Variants in EVC2 observed in about 807,000 individuals in gnomAD.
EVC2 encodes EvC ciliary complex subunit 2.
In EVC2, 148 loss-of-function variants were observed where a neutral mutation model predicts 149.3. The observed-to-expected ratio is 0.99, with a 90% CI of 0.87 to 1.14. The LOEUF (loss-of-function observed/expected upper bound fraction) is 1.14. EVC2 is among the 50% of genes most tolerant of loss of function. The pLI, the probability that EVC2 is intolerant of heterozygous loss-of-function variation, is 0.00. For synonymous variants in EVC2, 776 were observed against 649.9 expected (o/e 1.19, Z -2.95); for missense variants, 1,854 against 1,627.3 (o/e 1.14, Z -2.40).
In EVC2 at chr4:5,562,831, C is replaced by T. The variant is rs772703728; in HGVS notation, c.*17G>A. On this transcript the variant is annotated 3_prime_UTR_variant, in exon 22 of 22. Coordinates refer to ENST00000344408, the MANE Select transcript of EVC2 (RefSeq NM_147127.5). The surrounding 1 kb of genome is among the most constrained non-coding windows in gnomAD (Gnocchi z 4.3). ...TCCCTTCTCTCTTCAGATGCTCCCG[C>T]AGGTCTTTCCCTTGGGCTAGTCCAT... 1 of 1,613,374 alleles carries T rather than the reference C, an allele frequency of 6.2e-7. No homozygotes were observed. The highest frequency in any genetic ancestry group is 8.5e-7 in the Non-Finnish European group (1 of 1,180,042).
chr4:5,688,401 G>A (rs1489121289), intron 5 of EVC2, among the ~76,000 whole-genome samples: 2 of 152,130 alleles, frequency 1.3e-5, no homozygotes, highest in Non-Finnish European at 2.9e-5. Flanking sequence ...AGCCTTGACA[G>A]CGGCCAGCCC....
chr4:5,640,963 C>G lies in EVC2; in HGVS notation c.1146-125G>C. The G allele has an allele frequency of 9.1e-7, 1 of 1,097,796 alleles. No homozygotes were observed. Among genetic ancestry groups the G allele is most frequent in the South Asian group, 1.3e-5 (1 of 75,326 alleles). The allele number at this position is 1,097,796 out of a possible 1,614,324, so 68.0% of individuals were successfully genotyped here. ...GGCTTTCTTCGTCTTCCTTTTCTTC[C>G]TTTCCCCGCTCACTTCTGCTTCATC... On this transcript the variant is annotated intron_variant, in intron 9 of 21. Coordinates refer to ENST00000344408, the MANE Select transcript of EVC2 (RefSeq NM_147127.5). The surrounding 1 kb of genome is among the most constrained non-coding windows in gnomAD (Gnocchi z 4.6).
At chr4:5,580,463 C>T (rs1417208018) in intron 17 of EVC2, among the ~76,000 whole-genome samples, 2 of 152,174 alleles carry the variant, frequency 1.3e-5, no homozygotes, top group African/African-American at 4.8e-5. Flanking sequence ...AATTATTATA[C>T]TAATAGAAAT....
At chr4:5,690,708 C>T (rs757695540) in intron 4 of EVC2, among the ~76,000 whole-genome samples, 18 of 152,286 alleles carry the variant, frequency 1.2e-4, no homozygotes, top group South Asian at 6.2e-4. Context: ...GAGAGACAGC[C>T]GGAAGCTCAT....
At chr4:5,573,736 G>A (rs1053578129) in intron 19 of EVC2, among the ~76,000 whole-genome samples, 7 of 152,178 alleles carry the variant, frequency 4.6e-5, no homozygotes, top group Admixed American at 1.3e-4. Context: ...CAGGAAGCTC[G>A]GTGTGCCTGT....
intron 16 of EVC2, among the ~76,000 whole-genome samples, chr4:5,585,338 C>T (rs993749288): frequency 5.3e-5 from 8 of 152,278 alleles, no homozygotes; most frequent in African/African-American, 1.7e-4. Context: ...GGTTTGTGCT[C>T]TTTGCAGTGA....
chr4:5,531,544 C>CTG, the EVC2 span, among the ~76,000 whole-genome samples: 1 of 152,166 alleles, frequency 6.6e-6, no homozygotes, highest in African/African-American at 2.4e-5. Flanking sequence ...GCTCGCATTA[C>CTG]TGTGTGAGCT....
At chr4:5,578,828 C>T (rs189268518) in intron 17 of EVC2, among the ~76,000 whole-genome samples, 73 of 152,128 alleles carry the variant, frequency 4.8e-4, no homozygotes, top group Non-Finnish European at 8.2e-4. Flanking sequence ...TCATCTGCTT[C>T]GGGATGGAGG....
chr4:5,568,143 T>C (rs1722413844), intron 20 of EVC2, among the ~76,000 whole-genome samples: 1 of 152,174 alleles, frequency 6.6e-6, no homozygotes. Flanking sequence ...AAACACATTC[T>C]GGAGGAAGAA....
chr4:5,589,980 G>A (rs1000778700), intron 16 of EVC2, among the ~76,000 whole-genome samples: 5 of 152,148 alleles, frequency 3.3e-5, no homozygotes, highest in African/African-American at 1.2e-4. Flanking sequence ...TTAGAGAAAA[G>A]AGAAGGTGGA....
intron 11 of EVC2, among the ~76,000 whole-genome samples, chr4:5,630,195 T>C (rs1459801317): frequency 6.6e-6 from 1 of 152,334 alleles, no homozygotes. Flanking sequence ...GGGTGCCTTC[T>C]GGGAATGGGA....
At chr4:5,630,948 C>A (rs1443201084) in intron 11 of EVC2, among the ~76,000 whole-genome samples, 7 of 152,226 alleles carry the variant, frequency 4.6e-5, no homozygotes, top group Non-Finnish European at 8.8e-5. Context: ...TGGAGCCAAA[C>A]AACAAAGTGC....
At chr4:5,537,667 A>T in the EVC2 span, among the ~76,000 whole-genome samples, 456 of 152,368 alleles carry the variant, frequency 3.0e-3, 3 homozygotes, top group African/African-American at 0.01. Flanking sequence ...AATGATTGGC[A>T]TTCAATCAAG....
At position 5,625,349 on chromosome 4, in the gene EVC2, A is replaced by ACACAC. The variant is rs1560174872; in HGVS notation, c.2046+399_2046+400insGTGTG. ...ACACACACACACACACACACACACA[A>ACACAC]ACCCAGTGGTATCTCCCTCATAGGG... On this transcript the variant is annotated intron_variant, in intron 13 of 21. Coordinates refer to ENST00000344408, the MANE Select transcript of EVC2 (RefSeq NM_147127.5). The surrounding 1 kb of genome is among the most constrained non-coding windows in gnomAD (Gnocchi z 4.0). Among the ~76,000 whole-genome samples, 3 of 133,780 alleles carry ACACAC rather than the reference A, an allele frequency of 2.2e-5. No individual in the cohort carries two copies. The highest frequency in any genetic ancestry group is 8.5e-5 in the African/African-American group (3 of 35,250). The allele number at this position is 133,780 out of a possible 152,430, so 87.8% of individuals were successfully genotyped here. A position where few individuals can be genotyped will look rare whatever the true frequency, so the allele number is the denominator to read the frequency against.
rs114416620 is a variant in EVC2, at chr4:5,603,402, C to T, written c.2829+12020G>A. On this transcript the variant is annotated intron_variant, in intron 16 of 21. Coordinates refer to ENST00000344408, the MANE Select transcript of EVC2 (RefSeq NM_147127.5). The stretch of plus-strand genomic sequence containing the variant: ...TATGGATGGATGGATTTTTCTCTTC[C>T]CTTCCTAAATGGATTCCCTTTCAAC... Among the ~76,000 whole-genome samples the T allele has an allele frequency of 7.0e-3, 1,067 of 152,276 alleles. 10 individuals carry two copies. Among genetic ancestry groups the T allele is most frequent in the African/African-American group, 0.024 (994 of 41,558 alleles).
At chr4:5,642,207 A>G (rs1717383500) in intron 9 of EVC2, among the ~76,000 whole-genome samples, 1 of 152,204 alleles carries the variant, frequency 6.6e-6, no homozygotes, top group South Asian at 2.1e-4. Flanking sequence ...GGTTGGTTCC[A>G]AGTCCTTGCT....
In EVC2 at chr4:5,622,358, G is replaced by A. The variant is rs960244478; in HGVS notation, c.2501+179C>T. 6.6e-6 allele frequency among the ~76,000 whole-genome samples: 1 copy of A among 151,856 alleles called. No individual in the cohort carries two copies. The highest frequency in any genetic ancestry group is 2.4e-5 in the African/African-American group (1 of 41,382). On this transcript the variant is annotated intron_variant, in intron 14 of 21. Coordinates refer to ENST00000344408, the MANE Select transcript of EVC2 (RefSeq NM_147127.5). The surrounding 1 kb of genome is among the most constrained non-coding windows in gnomAD (Gnocchi z 5.8). ...CTCTGCTCAATCCTTGTAGGGTCCT[G>A]CGTGACATTCGAGGTCCTCCCCCCG...
chr4:5,542,730 G>A (rs755799350), downstream of EVC2: 7 of 178,812 alleles, frequency 3.9e-5, no homozygotes, highest in South Asian at 1.3e-4. Flanking sequence ...AGGCATTCAC[G>A]GTTATTACAC....
intron 1 of EVC2, among the ~76,000 whole-genome samples, chr4:5,702,451 T>C (rs922448164): frequency 4.6e-5 from 7 of 152,186 alleles, no homozygotes; most frequent in Non-Finnish European, 8.8e-5. Context: ...CAATAGACAT[T>C]GCGAAAGAAT....
Sources: gnomAD v4.1 joint callset for allele counts (sites outside exome capture counted in the v4.1 genomes callset) on GRCh38, gnomAD v4.1.1 for gene constraint, Gnocchi (gnomAD v3.1) non-coding constraint, MANE v1.5 for transcripts, NCBI Gene and HGNC (gene_info 2026-07-23, HGNC 2026-07-21) for gene names.